The following ASH1L variants were observed in gnomAD, a reference collection of about 807,000 sequenced individuals.
The protein encoded by ASH1L is ASH1 like histone lysine methyltransferase.
Under a neutral mutation model 269.0 loss-of-function variants are expected in ASH1L, and 23 were observed. The observed-to-expected ratio is 0.09, with a 90% CI of 0.06 to 0.12. The LOEUF (loss-of-function observed/expected upper bound fraction) is 0.12, where lower values mean the gene tolerates loss of function less well. Ranked by LOEUF, ASH1L falls within the 10% of genes least tolerant of loss-of-function variation. ASH1L has a pLI of 1.00. For missense variants in ASH1L, 2,912 were observed against 3,567.8 expected, an observed-to-expected ratio of 0.82 and a Z score of 4.68; for synonymous variants, 1,187 against 1,253.5, an observed-to-expected ratio of 0.95 and a Z score of 1.12.
intron 6 of ASH1L, among the ~76,000 whole-genome samples, chr1:155,405,546 T>C (rs1659208881): frequency 6.6e-6 from 1 of 151,616 alleles, no homozygotes; most frequent in South Asian, 2.1e-4. Flanking sequence ...AAGATCAAAA[T>C]AGGTCGGGCA....
intron 12 of ASH1L, among the ~76,000 whole-genome samples, chr1:155,366,989 GTTTTTTTT>G (rs896488958): frequency 8.1e-5 from 10 of 124,190 alleles, no homozygotes; most frequent in African/African-American, 2.7e-4. Context: ...AATGGGTTTG[GTTTTTTTT>G]TTTTTTTTTT....
chr1:155,403,472 T>C (rs1659021000), intron 6 of ASH1L, among the ~76,000 whole-genome samples: 1 of 152,200 alleles, frequency 6.6e-6, no homozygotes, highest in Non-Finnish European at 1.5e-5. Flanking sequence ...ACAAATTACT[T>C]AAGTTTCTCT....
intron 16 of ASH1L, among the ~76,000 whole-genome samples, chr1:155,354,137 A>T (rs1306576414): frequency 6.6e-6 from 1 of 152,258 alleles, no homozygotes; most frequent in Admixed American, 6.5e-5. Context: ...AAATAAATTA[A>T]TAGAAATTCG....
chr1:155,442,407 GC>G (rs1662661288), intron 4 of ASH1L, among the ~76,000 whole-genome samples: 1 of 151,466 alleles, frequency 6.6e-6, no homozygotes, highest in Admixed American at 6.6e-5. Flanking sequence ...ACATGGTGAA[GC>G]CCCGTCTCTA....
rs759245955 is a variant in ASH1L at position 155,357,642 on chromosome 1, G to A, written c.6903C>T (p.His2301=). The change falls in exon 14 of 28, where the codon CAC becomes CAT. Residue 2301 remains histidine (H), a synonymous_variant. Transcript: ENST00000392403. Reference sequence around the variant, plus strand: ...TCTCTTTTGACCGTCCAGATTTTTTGTGTGTGGCCATGGGCTGGCTGTTTT... The same window carrying A: ...TCTCTTTTGACCGTCCAGATTTTTTATGTGTGGCCATGGGCTGGCTGTTTT... ...SSKNSQPMAT[H]KKSGRSKEKR... The A allele has an allele frequency of 3.1e-6, 5 of 1,614,090 alleles. No homozygotes were observed. The South Asian group carries it at 3.3e-5, about 11-fold the overall frequency.
intron 12 of ASH1L, 75 bp downstream of exon 12, chr1:155,370,429 G>A: frequency 6.3e-7 from 1 of 1,583,774 alleles, no homozygotes. Context: ...GACTGACACT[G>A]GAAAGATCAA....
intron 1 of ASH1L, among the ~76,000 whole-genome samples, chr1:155,554,178 A>G (rs1671420616): frequency 6.6e-6 from 1 of 151,508 alleles, no homozygotes; most frequent in African/African-American, 2.4e-5. Context: ...TCAATCTCCC[A>G]GGCTCAAGTG....
At chr1:155,450,194 T>C (rs535370194) in intron 4 of ASH1L, among the ~76,000 whole-genome samples, 1 of 152,228 alleles carries the variant, frequency 6.6e-6, no homozygotes, top group Non-Finnish European at 1.5e-5. Context: ...TTTAATTTTC[T>C]TTCTGCTGGT....
chr1:155,363,502 C>G (rs548856087), intron 12 of ASH1L, among the ~76,000 whole-genome samples: 33 of 152,086 alleles, frequency 2.2e-4, no homozygotes, highest in Admixed American at 7.9e-4. Context: ...CCTCGGCCTC[C>G]CAAAGTGCTG....
In ASH1L at chr1:155,446,443, T is replaced by G. The variant is rs561526249; in HGVS notation, c.5087-7375A>C. Among the ~76,000 whole-genome samples the G allele has an allele frequency of 1.8e-4, 27 of 149,892 alleles. 1 individual carries two copies. The South Asian group carries it at 5.7e-3, about 31-fold the overall frequency. ...CCTCCCGAGTAGCTGAGACTACAGG[T>G]GTGCGGCACCACGCCCGGCTAATTT... On this transcript the variant is annotated intron_variant, in intron 4 of 27. Transcript: ENST00000392403.
At chr1:155,341,366 G>C (rs371770344) in intron 25 of ASH1L, among the ~76,000 whole-genome samples, 81 of 151,538 alleles carry the variant, frequency 5.3e-4, no homozygotes, top group Non-Finnish European at 7.7e-4. Context: ...TTAGTAGAGA[G>C]GGGGTTTCAC....
At chr1:155,451,628 G>A (rs1663476990) in intron 4 of ASH1L, among the ~76,000 whole-genome samples, 1 of 151,918 alleles carries the variant, frequency 6.6e-6, no homozygotes, top group South Asian at 2.1e-4. Flanking sequence ...GCGTGGTGGT[G>A]GACACCTGTA....
intron 12 of ASH1L, among the ~76,000 whole-genome samples, chr1:155,364,422 C>T (rs1227100618): frequency 6.6e-6 from 1 of 152,054 alleles, no homozygotes; most frequent in African/African-American, 2.4e-5. Flanking sequence ...GTGGTTATAC[C>T]AATTTACACT....
chr1:155,394,340 A>C (rs1156284092), intron 7 of ASH1L, among the ~76,000 whole-genome samples: 3 of 152,222 alleles, frequency 2.0e-5, no homozygotes, highest in African/African-American at 7.2e-5. Context: ...ATTCAAGTCA[A>C]GAAGTTTGCA....
intron 2 of ASH1L, among the ~76,000 whole-genome samples, chr1:155,507,359 T>C (rs996652981): frequency 4.6e-5 from 7 of 151,790 alleles, no homozygotes; most frequent in African/African-American, 1.5e-4. Context: ...TAAGATGGCA[T>C]AGAATTTTCT....
rs16836860 is a variant in ASH1L at position 155,476,985 on chromosome 1, T to G, written c.4984+901A>C. On this transcript the variant is annotated intron_variant, in intron 3 of 27. Coordinates refer to ENST00000392403, the MANE Select transcript of ASH1L (RefSeq NM_018489.3). ...GAGGTTTAGAGAATATACTGAGGTT[T>G]AGAGAATTTACTTGGAAAATCTGAT... is the stretch of plus-strand genomic sequence containing the variant. 7.2e-3 allele frequency among the ~76,000 whole-genome samples: 1,102 copies of G among 152,290 alleles called. 15 individuals are homozygous for G. The highest frequency in any genetic ancestry group is 0.025 in the African/African-American group (1,048 of 41,554).
chr1:155,450,034 T>C (rs1434072861), intron 4 of ASH1L, among the ~76,000 whole-genome samples: 1 of 152,252 alleles, frequency 6.6e-6, no homozygotes, highest in Non-Finnish European at 1.5e-5. Context: ...ATATTTTTGC[T>C]GGTTAAAAAA....
At chr1:155,494,590 T>G (rs1276802445) in intron 2 of ASH1L, among the ~76,000 whole-genome samples, 1 of 152,208 alleles carries the variant, frequency 6.6e-6, no homozygotes, top group Non-Finnish European at 1.5e-5. Context: ...CTTGCAAAAT[T>G]AATTAGGCAA....
intron 5 of ASH1L, chr1:155,419,263 A>G (rs1278006228): frequency 1.3e-5 from 2 of 151,956 alleles, no homozygotes; most frequent in East Asian, 1.9e-4. Context: ...AAAAAAGTTT[A>G]GATCTCATAT....
Sources: allele counts gnomAD v4.1 joint callset (sites outside exome capture counted in the v4.1 genomes callset), GRCh38; gene constraint gnomAD v4.1.1; transcripts MANE v1.5; gene names NCBI Gene and HGNC (gene_info 2026-07-23, HGNC 2026-07-21).